SLC25A13: variants seen among roughly 807,000 people sequenced by gnomAD.
The protein encoded by SLC25A13 is solute carrier family 25 member 13.
A neutral mutation model predicts 85.5 loss-of-function variants in SLC25A13; 70 were observed. The observed-to-expected ratio is 0.82, with a 90% CI of 0.68 to 1.00. The LOEUF is 1.00. Ranked by LOEUF, SLC25A13 falls within the 50% of genes least tolerant of loss-of-function variation. SLC25A13 has a pLI of 0.00. For synonymous variants in SLC25A13, 259 were observed against 288.7 expected (o/e 0.90, Z 1.04); for missense variants, 765 against 819.8 (o/e 0.93, Z 0.82).
At chr7:96,238,071 A>G (rs1295151686) in intron 3 of SLC25A13, among the ~76,000 whole-genome samples, 3 of 152,162 alleles carry the variant, frequency 2.0e-5, no homozygotes, top group African/African-American at 7.2e-5. Context: ...TTATTTGGAA[A>G]TAGGGTAGCT....
intron 3 of SLC25A13, among the ~76,000 whole-genome samples, chr7:96,256,184 T>A (rs766449973): frequency 2.2e-4 from 34 of 152,052 alleles, no homozygotes; most frequent in Non-Finnish European, 4.3e-4. Context: ...GCAAAATAAA[T>A]GGCAAGCATC....
At chr7:96,276,620 C>T (rs889186130) in intron 3 of SLC25A13, among the ~76,000 whole-genome samples, 4 of 151,980 alleles carry the variant, frequency 2.6e-5, no homozygotes, top group African/African-American at 9.7e-5. Context: ...GAGAACCTGC[C>T]TCAAAAGAAG....
rs11558671 is a variant in SLC25A13 at position 96,131,815 on chromosome 7, C to T, written c.1519G>A (p.Val507Met). The T allele has an allele frequency of 6.8e-6, 11 of 1,614,026 alleles. No individual in the cohort carries two copies. In the African/African-American group the frequency reaches 1.3e-4, roughly 20 times the overall value. The change falls in exon 15 of 18, where the codon GTG becomes ATG. Residue 507 changes from valine (V) to methionine (M), a missense_variant. Val to Met is a conservative substitution (Grantham distance 21). Coordinates refer to ENST00000265631, the MANE Select transcript of SLC25A13 (RefSeq NM_014251.3). ...TCTTCATTTGCAAAGGAAGCCTTCA[C>T]ATGAGCATAGCACGGAAAGTAGATG... ...SAIYFPCYAH[V>M]KASFANEDGQ...
chr7:96,278,791 A>G (rs1367230195), intron 2 of SLC25A13, among the ~76,000 whole-genome samples: 2 of 152,198 alleles, frequency 1.3e-5, no homozygotes, highest in Non-Finnish European at 2.9e-5. Context: ...TTCAGTTAGC[A>G]TTTAATTCGG....
intron 3 of SLC25A13, among the ~76,000 whole-genome samples, chr7:96,248,281 G>A (rs929160459): frequency 6.6e-6 from 1 of 152,048 alleles, no homozygotes; most frequent in Admixed American, 6.6e-5. Context: ...ACTACTACCC[G>A]AATTTATTTT....
At chr7:96,307,196 T>C (rs578082990) in intron 1 of SLC25A13, among the ~76,000 whole-genome samples, 1 of 152,254 alleles carries the variant, frequency 6.6e-6, no homozygotes, top group Non-Finnish European at 1.5e-5. Context: ...GAACCTTATA[T>C]ACATCACAAT....
rs1033542202 is a variant in SLC25A13, at chr7:96,215,493, TA to T, written c.329-6517del. On this transcript the variant is annotated intron_variant, in intron 4 of 17. Coordinates refer to ENST00000265631, the MANE Select transcript of SLC25A13 (RefSeq NM_014251.3). ...GAGAACAACAGAATGAAATTGAGAG[TA>T]AAAAAATTAACCCTCACATTTATAG... is the stretch of plus-strand genomic sequence containing the variant. Among the ~76,000 whole-genome samples, 73 of 151,090 alleles carry T rather than the reference TA, an allele frequency of 4.8e-4. 1 individual carries two copies. Among genetic ancestry groups the T allele is most frequent in the African/African-American group, 1.7e-3 (71 of 41,142 alleles).
Position 96,189,377 on chromosome 7 carries a change from G to T in SLC25A13, c.850C>A (p.Arg284Ser). The T allele has an allele frequency of 6.2e-7, 1 of 1,613,936 alleles. No individual in the cohort carries two copies. The highest frequency in any genetic ancestry group is 8.5e-7 in the Non-Finnish European group (1 of 1,179,854). Residue 284 changes from arginine (R) to serine (S), a missense_variant and splice_region_variant, in exon 9 of 18, where the codon CGT becomes AGT. Transcript: ENST00000265631. ...CGTTCAATGTCTGCTAAGGTCATACGTCTGTAGGGGAAAAACAAACACAAG... is the reference window on the plus strand; with the variant it reads ...CGTTCAATGTCTGCTAAGGTCATACTTCTGTAGGGGAAAAACAAACACAAG... ...QLADLYEPRG[R>S]MTLADIERIA...
Position 96,277,380 on chromosome 7 carries a change from T to C in SLC25A13, c.70-42A>G, listed in dbSNP as rs1044556842. 5.8e-6 allele frequency: 9 copies of C among 1,552,020 alleles called. No homozygotes were observed. In the African/African-American group the frequency reaches 9.6e-5, roughly 17 times the overall value. On this transcript the variant is annotated intron_variant, in intron 2 of 17. Coordinates refer to ENST00000265631, the MANE Select transcript of SLC25A13 (RefSeq NM_014251.3). The stretch of plus-strand genomic sequence containing the variant: ...AAAACAGTATTTTATATATTTGATT[T>C]TCAACAGTATATAATCATGAGAGTG...
At chr7:96,229,732 G>A (rs568135492) in intron 4 of SLC25A13, among the ~76,000 whole-genome samples, 9 of 152,128 alleles carry the variant, frequency 5.9e-5, no homozygotes, top group African/African-American at 1.7e-4. Context: ...CACTCACAGC[G>A]AAAGTCTGCA....
chr7:96,228,769 G>A (rs938055398), intron 4 of SLC25A13, among the ~76,000 whole-genome samples: 2 of 152,198 alleles, frequency 1.3e-5, no homozygotes, highest in Non-Finnish European at 2.9e-5. Context: ...TGAGTTCTGG[G>A]TGGGCGTGGG....
chr7:96,319,277 G>A (rs966835731), intron 1 of SLC25A13, among the ~76,000 whole-genome samples: 4 of 152,060 alleles, frequency 2.6e-5, no homozygotes, highest in African/African-American at 7.2e-5. Context: ...GGCTGGGCGT[G>A]GTGGCTCATG....
At chr7:96,243,714 A>C (rs1797078207) in intron 3 of SLC25A13, among the ~76,000 whole-genome samples, 1 of 152,094 alleles carries the variant, frequency 6.6e-6, no homozygotes, top group African/African-American at 2.4e-5. Context: ...GGCCAGGAAA[A>C]GAGTTGGAGG....
chr7:96,283,405 A>G (rs1228206555), intron 2 of SLC25A13: 6 of 406,584 alleles, frequency 1.5e-5, no homozygotes, highest in Non-Finnish European at 2.9e-5. Context: ...TATGTTCTGT[A>G]GGCCTTTTAG....
intron 11 of SLC25A13, among the ~76,000 whole-genome samples, chr7:96,171,809 C>T (rs1278326478): frequency 6.6e-6 from 1 of 152,156 alleles, no homozygotes; most frequent in Non-Finnish European, 1.5e-5. Context: ...AAAGTCTGCT[C>T]CTTCCCTTCT....
At chr7:96,300,562 T>C (rs1008808213) in intron 1 of SLC25A13, among the ~76,000 whole-genome samples, 4 of 152,236 alleles carry the variant, frequency 2.6e-5, no homozygotes, top group African/African-American at 9.6e-5. Context: ...AACTGGCTCA[T>C]AATTTAGAAG....
intron 1 of SLC25A13, chr7:96,306,708 G>C: frequency 2.2e-6 from 2 of 915,764 alleles, no homozygotes; most frequent in South Asian, 3.0e-5. Context: ...GGTGAGCTTA[G>C]TCCCATCCAC....
At chr7:96,264,188 G>T (rs939641025) in intron 3 of SLC25A13, among the ~76,000 whole-genome samples, 3 of 152,010 alleles carry the variant, frequency 2.0e-5, no homozygotes, top group Non-Finnish European at 4.4e-5. Flanking sequence ...GGGCCTGAAC[G>T]ACTGGCCTTA....
At chr7:96,151,916 G>C (rs930628316) in intron 13 of SLC25A13, among the ~76,000 whole-genome samples, 2 of 152,206 alleles carry the variant, frequency 1.3e-5, no homozygotes, top group Non-Finnish European at 2.9e-5. Flanking sequence ...CTGCACTCCA[G>C]CCTGAGTGAC....
Sources: gnomAD v4.1 joint callset for allele counts (sites outside exome capture counted in the v4.1 genomes callset) on GRCh38, gnomAD v4.1.1 for gene constraint, MANE v1.5 for transcripts, NCBI Gene and HGNC (gene_info 2026-07-23, HGNC 2026-07-21) for gene names.